SLC5A12: variants seen among roughly 807,000 people sequenced by gnomAD.
SLC5A12 encodes the protein sodium-coupled monocarboxylate transporter 2.
In SLC5A12, 46 loss-of-function variants were observed where a neutral mutation model predicts 72.7. That is an observed-to-expected ratio of 0.63 (90% CI 0.50 to 0.81). The LOEUF is 0.81. SLC5A12 is among the 30% of genes least tolerant of loss of function. SLC5A12 has a pLI of 0.00. For synonymous variants in SLC5A12, 275 were observed against 264.4 expected, an observed-to-expected ratio of 1.04 and a Z score of -0.39; for missense variants, 683 against 740.7, an observed-to-expected ratio of 0.92 and a Z score of 0.90.
At chr11:26,701,274 C>A (rs1854951966) in intron 6 of SLC5A12, among the ~76,000 whole-genome samples, 1 of 152,184 alleles carries the variant, frequency 6.6e-6, no homozygotes, top group Non-Finnish European at 1.5e-5. Context: ...CTCAGGGAAC[C>A]CTTTTCTAAA....
chr11:26,697,320 G>T, intron 7 of SLC5A12, 68 bp from the exon 8 acceptor site: 1 of 1,371,250 alleles, frequency 7.3e-7, no homozygotes, highest in South Asian at 1.3e-5. Context: ...AGAGAAGAGA[G>T]AGAAAAAAAT....
intron 9 of SLC5A12, 69 bp downstream of exon 9, chr11:26,692,420 G>A: frequency 9.6e-7 from 1 of 1,040,250 alleles, no homozygotes; most frequent in South Asian, 1.3e-5. Context: ...AATAGCACAT[G>A]CAGGATTTTG....
rs142380006 is a variant in SLC5A12, at chr11:26,670,761, A to G, written c.*341T>C. 5.3e-4 allele frequency: 92 copies of G among 173,576 alleles called. No homozygotes were observed. Among genetic ancestry groups the G allele is most frequent in the African/African-American group, 2.0e-3 (87 of 42,460 alleles). The allele number at this position is 173,576 out of a possible 1,614,324, so 10.8% of individuals were successfully genotyped here. On this transcript the variant is annotated 3_prime_UTR_variant, in exon 15 of 15. Coordinates refer to ENST00000396005, the MANE Select transcript of SLC5A12 (RefSeq NM_178498.4). ...AAGATATTTTGATGGTTAAAAAACT[A>G]CTAAAACGAAAAACCTGAAGTTTAA...
chr11:26,703,446 A>ACACC (rs1554994289), intron 6 of SLC5A12, 85 bp downstream of exon 6: 399 of 1,087,534 alleles, frequency 3.7e-4, no homozygotes, highest in Middle Eastern at 1.1e-3. Flanking sequence ...ACACACACAC[A>ACACC]CCCCCCAAGA....
intron 1 of SLC5A12, among the ~76,000 whole-genome samples, chr11:26,718,827 T>G (rs1013414091): frequency 1.3e-5 from 2 of 152,314 alleles, no homozygotes; most frequent in African/African-American, 4.8e-5. Context: ...ATAATGCCAA[T>G]TTTTATAAAG....
intron 2 of SLC5A12, among the ~76,000 whole-genome samples, chr11:26,712,203 AAGT>A (rs1855246069): frequency 6.6e-6 from 1 of 152,012 alleles, no homozygotes; most frequent in African/African-American, 2.4e-5. Context: ...AAAGAGAGGG[AAGT>A]AGGAGTATTA....
Position 26,681,050 on chromosome 11 carries a change from C to A in SLC5A12, c.1475+5G>T. Reference sequence around the variant, plus strand: ...GACTTAGCACCATCTATAAAGTCAGCATACCTGCTGGATAGTACTGGAGGC... The same window carrying A: ...GACTTAGCACCATCTATAAAGTCAGAATACCTGCTGGATAGTACTGGAGGC... On this transcript the variant is annotated splice_donor_5th_base_variant and intron_variant, in intron 12 of 14. Coordinates refer to ENST00000396005, the MANE Select transcript of SLC5A12 (RefSeq NM_178498.4). 6.3e-7 allele frequency: 1 copy of A among 1,584,188 alleles called. No homozygotes were observed. Among genetic ancestry groups the A allele is most frequent in the Non-Finnish European group, 8.6e-7 (1 of 1,165,410 alleles).
intron 1 of SLC5A12, among the ~76,000 whole-genome samples, chr11:26,720,757 C>A (rs1205004010): frequency 6.6e-6 from 1 of 152,078 alleles, no homozygotes. Context: ...GCCTCATTTC[C>A]CTCACATTAA....
intron 13 of SLC5A12, among the ~76,000 whole-genome samples, chr11:26,678,087 C>T (rs145473989): frequency 0.012 from 1,775 of 152,202 alleles, 37 homozygotes; most frequent in African/African-American, 0.04. Context: ...GAGAACTCCA[C>T]GACCCTAGAG....
At chr11:26,685,401 C>A (rs888971466) in intron 10 of SLC5A12, among the ~76,000 whole-genome samples, 3 of 152,086 alleles carry the variant, frequency 2.0e-5, no homozygotes, top group African/African-American at 7.2e-5. Context: ...TGGTGGATCT[C>A]TTGAGGTCAG....
rs1198321646 is a variant in SLC5A12 at position 26,681,234 on chromosome 11, G to A, written c.1309-13C>T. ...CTCCTAGTGCACCCTGGATGAAGAAGAAAAAGGTTAATGGGAAATTTGGCA... is the reference window on the plus strand; with the variant it reads ...CTCCTAGTGCACCCTGGATGAAGAAAAAAAAGGTTAATGGGAAATTTGGCA... On this transcript the variant is annotated splice_polypyrimidine_tract_variant and intron_variant, in intron 11 of 14. Coordinates refer to ENST00000396005, the MANE Select transcript of SLC5A12 (RefSeq NM_178498.4). 1 of 1,553,292 alleles carries A rather than the reference G, an allele frequency of 6.4e-7. No individual in the cohort carries two copies. Among genetic ancestry groups the A allele is most frequent in the Non-Finnish European group, 8.7e-7 (1 of 1,151,476 alleles).
chr11:26,698,529 C>A lies in SLC5A12; in HGVS notation c.828G>T (p.Leu276Phe). Residue 276 changes from leucine to phenylalanine, a missense_variant, in exon 7 of 15, where the codon TTG becomes TTT. Transcript: ENST00000396005. ...TCCAGAGACCCAGCAAGTTAAAATA[C>A]AAGGCACTAGAAAAGAGCACATGGG... ...CKTEKHAKLALYFNLLGLWII... is the reference protein window; with the variant it reads ...CKTEKHAKLAFYFNLLGLWII... The A allele has an allele frequency of 6.2e-7, 1 of 1,613,892 alleles. No homozygotes were observed. The highest frequency in any genetic ancestry group is 2.2e-5 in the East Asian group (1 of 44,840).
chr11:26,682,765 T>C (rs1268113483), intron 11 of SLC5A12, among the ~76,000 whole-genome samples: 1 of 152,178 alleles, frequency 6.6e-6, no homozygotes, highest in African/African-American at 2.4e-5. Flanking sequence ...AGTTAGCTCA[T>C]ATTTTTTGTG....
chr11:26,680,961 T>C, intron 12 of SLC5A12, 94 bp downstream of exon 12: 1 of 1,185,486 alleles, frequency 8.4e-7, no homozygotes, highest in Non-Finnish European at 1.1e-6. Context: ...GAGAACAAGA[T>C]ATGTCTCATC....
Position 26,721,488 on chromosome 11 carries a change from C to G in SLC5A12, c.227G>C (p.Arg76Pro). Residue 76 changes from arginine to proline, a missense_variant, in exon 1 of 15, where the codon CGC becomes CCC. Transcript: ENST00000396005. ...GAAGACTAGGAAGGATGCCCCAAAG[C>G]GGTAGACTTCAGAAGGGGTCCCCAG... ...TVLGTPSEVY[R>P]FGASFLVFFI... The G allele has an allele frequency of 6.2e-7, 1 of 1,614,080 alleles. No individual in the cohort carries two copies. The highest frequency in any genetic ancestry group is 8.5e-7 in the Non-Finnish European group (1 of 1,180,008).
At position 26,721,599 on chromosome 11, in the gene SLC5A12, C is replaced by T. The variant is rs778668768; in HGVS notation, c.116G>A (p.Arg39Gln). The T allele has an allele frequency of 6.0e-5, 97 of 1,614,030 alleles. No homozygotes were observed. The highest frequency in any genetic ancestry group is 1.1e-4 in the African/African-American group (8 of 74,902). ...TTGCCTTCCCCCAACCAGGAACTCT[C>T]GGGAAGTTGCCTTTTTTCTCTCCTT... ...AIKERKKATSREFLVGGRQMS... is the reference protein window; with the variant it reads ...AIKERKKATSQEFLVGGRQMS... Residue 39 changes from arginine (R) to glutamine (Q), a missense_variant, in exon 1 of 15, where the codon CGA (arginine) becomes CAA (glutamine). Physicochemically the swap from Arg to Gln is conservative, Grantham distance 43 (BLOSUM62 1). Transcript: ENST00000396005.
At chr11:26,700,094 G>C (rs1367332566) in intron 6 of SLC5A12, among the ~76,000 whole-genome samples, 1 of 152,090 alleles carries the variant, frequency 6.6e-6, no homozygotes, top group African/African-American at 2.4e-5. Flanking sequence ...TCTGTAAAAA[G>C]AATGTAACAT....
At chr11:26,711,172 T>A in intron 3 of SLC5A12, 135 bp downstream of exon 3, 2 of 682,204 alleles carry the variant, frequency 2.9e-6, no homozygotes, top group South Asian at 1.8e-5. Flanking sequence ...CTTTATGTAA[T>A]GACTTCTAAT....
chr11:26,679,748 A>T (rs1478638409), intron 12 of SLC5A12, among the ~76,000 whole-genome samples: 1 of 152,294 alleles, frequency 6.6e-6, no homozygotes, highest in Non-Finnish European at 1.5e-5. Flanking sequence ...TTAAAACCAC[A>T]GGAAAGTTTT....
Sources: allele counts gnomAD v4.1 joint callset (sites outside exome capture counted in the v4.1 genomes callset), GRCh38; gene constraint gnomAD v4.1.1; transcripts MANE v1.5; gene names NCBI Gene and HGNC (gene_info 2026-07-23, HGNC 2026-07-21).